The following MAMLD1 variants were observed in gnomAD, a reference collection of about 807,000 sequenced individuals.
MAMLD1 encodes mastermind like domain containing 1.
In MAMLD1, 14 loss-of-function variants were observed where a neutral mutation model predicts 45.0. The ratio of observed to expected loss-of-function variants is 0.31; its 90% CI spans 0.21 to 0.49. MAMLD1 has a LOEUF of 0.49. Among genes scored for constraint, MAMLD1 ranks in the 20% least tolerant of loss-of-function variants. MAMLD1 has a pLI of 0.99. For missense variants in MAMLD1, 543 were observed against 603.6 expected, an observed-to-expected ratio of 0.90 and a Z score of 1.05; for synonymous variants, 254 against 247.8, an observed-to-expected ratio of 1.02 and a Z score of -0.24.
intron 2 of MAMLD1, among the ~76,000 whole-genome samples, chrX:150,454,832 C>G (rs1569564845): frequency 9.0e-6 from 1 of 110,534 alleles, no homozygotes; most frequent in East Asian, 2.8e-4. Context: ...CCATGGCTAC[C>G]ACCATCCCAC....
chrX:150,471,367 G>A lies in MAMLD1; in HGVS notation c.1794G>A (p.Gln598=). The A allele has an allele frequency of 1.7e-6, 2 of 1,211,280 alleles. No individual in the cohort carries two copies. The highest frequency in any genetic ancestry group is 2.2e-6 in the Non-Finnish European group (2 of 895,202). ...STATATLQLQ[Q]QQQQQQQQPD... ...CCACTGCCACCTTGCAGCTGCAGCA[G>A]CAGCAGCAGCAACAGCAGCAGCAGC... Residue 598 remains glutamine (Q), a synonymous_variant, in exon 4 of 8, where the codon CAG becomes CAA. Transcript: ENST00000370401.
intron 1 of MAMLD1, among the ~76,000 whole-genome samples, chrX:150,375,030 G>A (rs971932901): frequency 9.0e-6 from 1 of 110,531 alleles, no homozygotes; most frequent in African/African-American, 3.3e-5. Context: ...GGGCCTGCTG[G>A]TGTGTGGGGG....
At chrX:150,489,562 G>A (rs184908674) in intron 5 of MAMLD1, among the ~76,000 whole-genome samples, 2 of 105,407 alleles carry the variant, frequency 1.9e-5, no homozygotes, top group Admixed American at 1.0e-4. Context: ...AGTAATTGCG[G>A]TTTTTACCAT....
At chrX:150,373,561 G>A (rs1476646725) in intron 1 of MAMLD1, among the ~76,000 whole-genome samples, 1 of 111,669 alleles carries the variant, frequency 9.0e-6, no homozygotes, top group African/African-American at 3.3e-5. Flanking sequence ...GATAGCAAAG[G>A]CTAGGTCTGA....
chrX:150,386,104 C>CTT (rs35146517), intron 1 of MAMLD1, among the ~76,000 whole-genome samples: 1,719 of 102,456 alleles, frequency 0.017, 36 homozygotes, highest in African/African-American at 0.056. Context: ...CAACACCCAT[C>CTT]TTTTTTTTTT....
chrX:150,500,037 T>A (rs1557408456), intron 5 of MAMLD1, among the ~76,000 whole-genome samples: 2 of 112,373 alleles, frequency 1.8e-5, no homozygotes, highest in African/African-American at 6.5e-5. Flanking sequence ...TTATTGAATT[T>A]TGCAAGTATT....
chrX:150,437,977 TC>T lies in MAMLD1; in HGVS notation c.-63-7476del, dbSNP rs1229369724. Reference sequence around the variant, plus strand: ...TATAGTATGGAACCTTTGGGGATGGTCTTTTTTTTTTTCACTTACAATCATT... The same window carrying T: ...TATAGTATGGAACCTTTGGGGATGGTTTTTTTTTTTTCACTTACAATCATT... On this transcript the variant is annotated intron_variant, in intron 1 of 7. Transcript: ENST00000370401. Among the ~76,000 whole-genome samples, 4 of 5,283 alleles carry T rather than the reference TC, an allele frequency of 7.6e-4. No individual in the cohort carries two copies. The Non-Finnish European group carries it at 0.015, about 20-fold the overall frequency. The allele number at this position is 5,283 out of a possible 115,157, so 4.6% of individuals were successfully genotyped here. A position where few individuals can be genotyped will look rare whatever the true frequency, so the allele number is the denominator to read the frequency against.
chrX:150,385,214 G>A lies in MAMLD1; in HGVS notation c.-64+21684G>A, dbSNP rs147934211. Reference sequence around the variant, plus strand: ...TTTGTCTGGCTTATTTCCACTTCAGGTCATGCAGGTTCATCCATGTTGTTG... The same window carrying A: ...TTTGTCTGGCTTATTTCCACTTCAGATCATGCAGGTTCATCCATGTTGTTG... On this transcript the variant is annotated intron_variant, in intron 1 of 7. Coordinates refer to ENST00000370401, the MANE Select transcript of MAMLD1 (RefSeq NM_005491.5). 5.3e-3 allele frequency among the ~76,000 whole-genome samples: 573 copies of A among 108,669 alleles called. 2 individuals are homozygous for A. Among genetic ancestry groups the A allele is most frequent in the African/African-American group, 0.019 (553 of 29,689 alleles). 94.4% of individuals were successfully genotyped at this position (108,669 alleles called of 115,157 possible). A position where few individuals can be genotyped will look rare whatever the true frequency, so the allele number is the denominator to read the frequency against.
At chrX:150,413,017 T>C (rs1415354929) in intron 1 of MAMLD1, among the ~76,000 whole-genome samples, 1 of 111,562 alleles carries the variant, frequency 9.0e-6, no homozygotes, top group Non-Finnish European at 1.9e-5. Flanking sequence ...TAGACCACTG[T>C]GCCTGGCCTG....
At chrX:150,398,069 C>A (rs782761672) in intron 1 of MAMLD1, among the ~76,000 whole-genome samples, 4 of 108,603 alleles carry the variant, frequency 3.7e-5, no homozygotes, top group Non-Finnish European at 7.6e-5. Flanking sequence ...CCCGTGCTTG[C>A]TCAGCACCCA....
chrX:150,487,052 G>T lies in MAMLD1; in HGVS notation c.2040+13250G>T, dbSNP rs187330638. On this transcript the variant is annotated intron_variant, in intron 5 of 7. Transcript: ENST00000370401. Reference sequence around the variant, plus strand: ...GTTTCTGACTCCACAGATACAGGTGGGGCCCTGGAATTTGCATTTGTAATA... The same window carrying T: ...GTTTCTGACTCCACAGATACAGGTGTGGCCCTGGAATTTGCATTTGTAATA... Among the ~76,000 whole-genome samples the T allele has an allele frequency of 3.9e-3, 436 of 111,751 alleles. 3 individuals carry two copies. Among genetic ancestry groups the T allele is most frequent in the Middle Eastern group, 0.023 (5 of 217 alleles).
chrX:150,448,005 A>G (rs113117435), intron 2 of MAMLD1, among the ~76,000 whole-genome samples: 1,806 of 112,423 alleles, frequency 0.016, 33 homozygotes, highest in African/African-American at 0.055. Context: ...CTTGAAATAA[A>G]ATGATATCAG....
intron 2 of MAMLD1, among the ~76,000 whole-genome samples, chrX:150,455,137 T>C (rs1557405269): frequency 8.9e-6 from 1 of 112,448 alleles, no homozygotes; most frequent in Non-Finnish European, 1.9e-5. Flanking sequence ...CTACTCTTGT[T>C]GCTATGTGCT....
intron 1 of MAMLD1, among the ~76,000 whole-genome samples, chrX:150,367,607 G>A (rs1557400808): frequency 1.8e-5 from 2 of 111,533 alleles, no homozygotes; most frequent in Admixed American, 1.9e-4. Flanking sequence ...TGTGCACAAC[G>A]TGCAGGTTTG....
chrX:150,474,619 G>A (rs935449601), intron 5 of MAMLD1, among the ~76,000 whole-genome samples: 4 of 112,131 alleles, frequency 3.6e-5, no homozygotes, highest in Non-Finnish European at 7.5e-5. Flanking sequence ...GAGATTGATA[G>A]GAGTTGTGCA....
chrX:150,382,893 T>A (rs1307473692), intron 1 of MAMLD1, among the ~76,000 whole-genome samples: 1,209 of 20,297 alleles, frequency 0.06, 334 homozygotes, highest in African/African-American at 0.16. Context: ...TTATTTTTTT[T>A]TTTTTTTATT....
In MAMLD1 at chrX:150,407,803, G is replaced by T. The variant is rs188951234; in HGVS notation, c.-63-37651G>T. Among the ~76,000 whole-genome samples, 312 of 112,614 alleles carry T rather than the reference G, an allele frequency of 2.8e-3. 1 individual carries two copies. The highest frequency in any genetic ancestry group is 9.4e-3 in the African/African-American group (291 of 31,080). ...CTTCTTGGTATTGATTAAATGAAAT[G>T]CTTGTAAAACATTCTGGCACTCTGT... On this transcript the variant is annotated intron_variant, in intron 1 of 7. Coordinates refer to ENST00000370401, the MANE Select transcript of MAMLD1 (RefSeq NM_005491.5).
At chrX:150,501,388 AG>A (rs2037548016) in intron 5 of MAMLD1, among the ~76,000 whole-genome samples, 1 of 112,151 alleles carries the variant, frequency 8.9e-6, no homozygotes, top group Non-Finnish European at 1.9e-5. Flanking sequence ...CATTGTAGAA[AG>A]CAATGCCTCT....
intron 1 of MAMLD1, among the ~76,000 whole-genome samples, chrX:150,429,113 A>G (rs1291610205): frequency 1.8e-5 from 2 of 110,161 alleles, no homozygotes; most frequent in East Asian, 5.7e-4. Flanking sequence ...TGGATGAGGG[A>G]GTTAGTGATG....
Sources: allele counts gnomAD v4.1 joint callset (sites outside exome capture counted in the v4.1 genomes callset), GRCh38; gene constraint gnomAD v4.1.1; transcripts MANE v1.5; gene names NCBI Gene and HGNC (gene_info 2026-07-23, HGNC 2026-07-21).